ARMC2: variants seen among roughly 807,000 people sequenced by gnomAD.
ARMC2 encodes the protein armadillo repeat-containing protein 2.
A neutral mutation model predicts 90.3 loss-of-function variants in ARMC2; 67 were observed. The ratio of observed to expected loss-of-function variants is 0.74; its 90% CI spans 0.61 to 0.91. The LOEUF (loss-of-function observed/expected upper bound fraction) is 0.91, where lower values mean the gene tolerates loss of function less well. Ranked by LOEUF, ARMC2 falls within the 40% of genes least tolerant of loss-of-function variation. The pLI is 0.00. For missense variants in ARMC2, 920 were observed against 1,030.9 expected (o/e 0.89, Z 1.47); for synonymous variants, 393 against 393.0 (o/e 1.00, Z 0.00).
At chr6:109,041,741 AT>A in the ARMC2 span, among the ~76,000 whole-genome samples, 1 of 152,210 alleles carries the variant, frequency 6.6e-6, no homozygotes. Flanking sequence ...AAACAAATCC[AT>A]AATTATAGCA....
the ARMC2 span, among the ~76,000 whole-genome samples, chr6:109,007,801 T>TC: frequency 6.9e-6 from 1 of 145,252 alleles, no homozygotes; most frequent in Non-Finnish European, 1.5e-5. Context: ...TTTTTTTTTT[T>TC]TTTTGCCTTC....
At position 108,953,068 on chromosome 6, in the gene ARMC2, C is replaced by A; in HGVS notation, c.1632C>A (p.Asn544Lys). Residue 544 changes from asparagine to lysine, a missense_variant, in exon 13 of 18, where the codon AAC becomes AAA. Physicochemically the swap from Asn to Lys is moderately conservative, Grantham distance 94 (BLOSUM62 0). Transcript: ENST00000392644. ...TCCGTGTTGTTTTTATTCTTGGCAA[C>A]CTGACGGCAAAAAATAACCAGGCTC... is the stretch of plus-strand genomic sequence containing the variant. The part of the protein sequence containing the change: ...LVVRVVFILG[N>K]LTAKNNQARE... 6.2e-7 allele frequency: 1 copy of A among 1,612,940 alleles called. No individual in the cohort carries two copies. Among genetic ancestry groups the A allele is most frequent in the Non-Finnish European group, 8.5e-7 (1 of 1,179,456 alleles).
intron 11 of ARMC2, among the ~76,000 whole-genome samples, chr6:108,934,205 A>G (rs1433688766): frequency 6.6e-6 from 1 of 152,158 alleles, no homozygotes; most frequent in Non-Finnish European, 1.5e-5. Flanking sequence ...AGGAGTGTTG[A>G]ATTTTACTGA....
the ARMC2 span, among the ~76,000 whole-genome samples, chr6:109,013,542 G>A: frequency 6.6e-6 from 1 of 152,168 alleles, no homozygotes. Context: ...ACAAGGAATA[G>A]ATATATTTTA....
chr6:108,860,258 AT>A (rs1257791337), intron 3 of ARMC2, among the ~76,000 whole-genome samples: 1 of 151,674 alleles, frequency 6.6e-6, no homozygotes. Context: ...GGTAGTTTTG[AT>A]TTTTTAACTA....
At chr6:108,862,213 G>T (rs1039857494) in intron 3 of ARMC2, among the ~76,000 whole-genome samples, 3 of 151,708 alleles carry the variant, frequency 2.0e-5, no homozygotes, top group African/African-American at 7.3e-5. Context: ...GTGTGGTGGC[G>T]CATGCCTCTA....
chr6:108,854,471 T>C lies in ARMC2; in HGVS notation c.204T>C (p.Pro68=). 1 of 1,613,436 alleles carries C rather than the reference T, an allele frequency of 6.2e-7. No individual in the cohort carries two copies. The highest frequency in any genetic ancestry group is 8.5e-7 in the Non-Finnish European group (1 of 1,179,590). The part of the protein sequence containing the change: ...PASSRTSENR[P]PSSFSLHASS... ...CCTCAAGAACATCAGAAAATAGACC[T>C]CCTTCCTCCTTCAGGTATATGGCAT... Residue 68 remains proline, a synonymous_variant, in exon 2 of 18, where the codon CCT becomes CCC. Transcript: ENST00000392644.
chr6:108,915,140 G>C (rs1465719235), intron 10 of ARMC2, among the ~76,000 whole-genome samples: 1 of 151,934 alleles, frequency 6.6e-6, no homozygotes, highest in African/African-American at 2.4e-5. Context: ...ATTTTTAGTA[G>C]AGACAGGGTT....
intron 7 of ARMC2, among the ~76,000 whole-genome samples, chr6:108,900,604 CCAAA>C (rs1305065319): frequency 1.3e-5 from 2 of 152,156 alleles, no homozygotes; most frequent in East Asian, 1.9e-4. Flanking sequence ...TCCCCAGCAA[CCAAA>C]CAGAGATGTG....
At position 108,882,581 on chromosome 6, in the gene ARMC2, T is replaced by C. The variant is rs79519610; in HGVS notation, c.671+6231T>C. Among the ~76,000 whole-genome samples, 582 of 152,046 alleles carry C rather than the reference T, an allele frequency of 3.8e-3. 3 individuals are homozygous for C. Among genetic ancestry groups the C allele is most frequent in the African/African-American group, 0.013 (542 of 41,464 alleles). On this transcript the variant is annotated intron_variant, in intron 5 of 17. Coordinates refer to ENST00000392644, the MANE Select transcript of ARMC2 (RefSeq NM_032131.6). ...AAGAAAAATGTATCAAGAGGAAAGC[T>C]ACATTAGGAATAAAAAATTAGAATA...
intron 7 of ARMC2, among the ~76,000 whole-genome samples, chr6:108,900,570 A>G (rs1772030179): frequency 1.3e-5 from 2 of 152,178 alleles, no homozygotes; most frequent in Non-Finnish European, 2.9e-5. Flanking sequence ...AAGATGCTCT[A>G]AGAGAAGCAG....
At chr6:109,044,531 G>C in the ARMC2 span, among the ~76,000 whole-genome samples, 1 of 151,640 alleles carries the variant, frequency 6.6e-6, no homozygotes, top group African/African-American at 2.4e-5. Flanking sequence ...TAATATATAA[G>C]ACTAAAAAAC....
intron 11 of ARMC2, among the ~76,000 whole-genome samples, chr6:108,932,099 T>G (rs1358778999): frequency 1.3e-5 from 2 of 151,978 alleles, no homozygotes; most frequent in African/African-American, 4.8e-5. Context: ...GTTTTTCTCT[T>G]GTAAATTTGT....
At chr6:108,861,968 T>A (rs1239891321) in intron 3 of ARMC2, among the ~76,000 whole-genome samples, 1 of 152,196 alleles carries the variant, frequency 6.6e-6, no homozygotes, top group Admixed American at 6.6e-5. Flanking sequence ...GCTATTGGGC[T>A]AAGACAAGAT....
intron 3 of ARMC2, among the ~76,000 whole-genome samples, chr6:108,864,195 T>C (rs962764578): frequency 1.3e-5 from 2 of 151,490 alleles, no homozygotes; most frequent in East Asian, 3.9e-4. Flanking sequence ...TTAATAGAAA[T>C]GCACACAGAA....
At chr6:108,994,485 T>C in the ARMC2 span, 2 of 1,612,730 alleles carry the variant, frequency 1.2e-6, no homozygotes, top group Non-Finnish European at 1.7e-6. Context: ...AAACATACTC[T>C]CTCTTTTTTC....
the ARMC2 span, among the ~76,000 whole-genome samples, chr6:109,001,850 T>C: frequency 6.6e-6 from 1 of 152,158 alleles, no homozygotes; most frequent in East Asian, 1.9e-4. Flanking sequence ...TAAGGAGAAC[T>C]AAAATTAACT....
Position 108,953,213 on chromosome 6 carries a change from G to A in ARMC2, c.1777G>A (p.Ala593Thr), listed in dbSNP as rs746347815. The change falls in exon 13 of 18, where the codon GCG (alanine) becomes ACG (threonine). Residue 593 changes from alanine (A) to threonine (T), a missense_variant. Coordinates refer to ENST00000392644, the MANE Select transcript of ARMC2 (RefSeq NM_032131.6). ...GGGCCAACGAGGCGAGCAGCACAGG[G>A]CGCAGAGGCCGCCGTCAGAGGCAGA... ...PVGQRGEQHR[A>T]QRPPSEAEDV... 2 of 1,614,018 alleles carry A rather than the reference G, an allele frequency of 1.2e-6. No homozygotes were observed. Among genetic ancestry groups the A allele is most frequent in the South Asian group, 2.2e-5 (2 of 91,090 alleles).
chr6:108,911,081 C>T (rs1773380411), intron 9 of ARMC2, 80 bp downstream of exon 9: 2 of 813,498 alleles, frequency 2.5e-6, no homozygotes, highest in Non-Finnish European at 3.8e-6. Context: ...AATATATAAT[C>T]AATGATAGCA....
Sources: gnomAD v4.1 joint callset for allele counts (sites outside exome capture counted in the v4.1 genomes callset) on GRCh38, gnomAD v4.1.1 for gene constraint, MANE v1.5 for transcripts, NCBI Gene and HGNC (gene_info 2026-07-23, HGNC 2026-07-21) for gene names.